Variants in TMTC1 observed in about 807,000 individuals in gnomAD.
TMTC1 encodes transmembrane O-mannosyltransferase targeting cadherins 1, also known as protein O-mannosyl-transferase TMTC1.
A neutral mutation model predicts 104.8 loss-of-function variants in TMTC1; 73 were observed. The ratio of observed to expected loss-of-function variants is 0.70; its 90% CI spans 0.58 to 0.85. The LOEUF is 0.85. Ranked by LOEUF, TMTC1 falls within the 40% of genes least tolerant of loss-of-function variation. The pLI is 0.00. For synonymous variants in TMTC1, 434 were observed against 428.7 expected (o/e 1.01, Z -0.15); for missense variants, 1,035 against 1,096.1 (o/e 0.94, Z 0.79).
At chr12:29,558,475 C>T (rs1467192567) in intron 9 of TMTC1, among the ~76,000 whole-genome samples, 5 of 152,160 alleles carry the variant, frequency 3.3e-5, no homozygotes, top group South Asian at 4.1e-4. Context: ...TTTGACCCTT[C>T]GCTACTCCCT....
chr12:29,662,444 G>A (rs1417063348), intron 5 of TMTC1, among the ~76,000 whole-genome samples: 2 of 152,104 alleles, frequency 1.3e-5, no homozygotes, highest in East Asian at 3.9e-4. Flanking sequence ...GAGGTCAGGA[G>A]TTCGAGACCA....
chr12:29,660,783 T>C lies in TMTC1; in HGVS notation c.939-27447A>G, dbSNP rs976808420. On this transcript the variant is annotated intron_variant, in intron 5 of 17. Coordinates refer to ENST00000539277, the MANE Select transcript of TMTC1 (RefSeq NM_001193451.2). ...TTATCAGATATTTCAAAAGTATATA[T>C]ATATATATATATATACTTACATAAC... 4 of 865,594 alleles carry C rather than the reference T, an allele frequency of 4.6e-6. No individual in the cohort carries two copies. In the South Asian group the frequency reaches 1.4e-4, roughly 30 times the overall value. 53.6% of individuals were successfully genotyped at this position (865,594 alleles called of 1,614,324 possible). A position where few individuals can be genotyped will look rare whatever the true frequency, so the allele number is the denominator to read the frequency against.
At chr12:29,553,304 T>C (rs753390929) in intron 10 of TMTC1, among the ~76,000 whole-genome samples, 3 of 152,224 alleles carry the variant, frequency 2.0e-5, no homozygotes, top group Non-Finnish European at 4.4e-5. Context: ...GAAGGCAATA[T>C]ATCTCCTAAT....
intron 5 of TMTC1, among the ~76,000 whole-genome samples, chr12:29,750,510 T>C (rs1223502930): frequency 6.6e-6 from 1 of 152,190 alleles, no homozygotes; most frequent in Admixed American, 6.5e-5. Flanking sequence ...GCCTGGCACT[T>C]GTCAGCCCCT....
intron 5 of TMTC1, among the ~76,000 whole-genome samples, chr12:29,698,172 A>C (rs189310330): frequency 1.3e-5 from 2 of 152,316 alleles, no homozygotes; most frequent in East Asian, 3.9e-4. Context: ...TGCAGAGAGA[A>C]GACTGAGGAA....
intron 6 of TMTC1, among the ~76,000 whole-genome samples, chr12:29,608,695 CCT>C (rs1946765975): frequency 6.6e-6 from 1 of 152,102 alleles, no homozygotes; most frequent in Non-Finnish European, 1.5e-5. Flanking sequence ...AAAGCATCCC[CCT>C]GAGCTGCAAA....
rs546700880 is a variant in TMTC1 at position 29,622,342 on chromosome 12, G to T, written c.1128+10805C>A. ...AATTTAATGGTGTTTCCTCTGTAAT[G>T]CAGGGAAACCACATTAGAGAACACA... On this transcript the variant is annotated intron_variant, in intron 6 of 17. Coordinates refer to ENST00000539277, the MANE Select transcript of TMTC1 (RefSeq NM_001193451.2). 9.2e-5 allele frequency among the ~76,000 whole-genome samples: 14 copies of T among 152,254 alleles called. No individual in the cohort carries two copies. The South Asian group carries it at 2.7e-3, about 29-fold the overall frequency.
chr12:29,558,290 C>A (rs559461854), intron 9 of TMTC1, among the ~76,000 whole-genome samples: 1 of 152,118 alleles, frequency 6.6e-6, no homozygotes, highest in Admixed American at 6.6e-5. Flanking sequence ...GTAATAAAAA[C>A]GGGATCTGTA....
chr12:29,720,007 G>A (rs977053506), intron 5 of TMTC1, among the ~76,000 whole-genome samples: 1 of 152,088 alleles, frequency 6.6e-6, no homozygotes, highest in Admixed American at 6.5e-5. Context: ...TTGAACCAGG[G>A]TTGCATGTCT....
At position 29,741,150 on chromosome 12, in the gene TMTC1, T is replaced by G. The variant is rs1942814571; in HGVS notation, c.938+10516A>C. Among the ~76,000 whole-genome samples the G allele has an allele frequency of 2.0e-5, 3 of 152,100 alleles. No homozygotes were observed. The South Asian group carries it at 6.5e-4, about 33-fold the overall frequency. On this transcript the variant is annotated intron_variant, in intron 5 of 17. Coordinates refer to ENST00000539277, the MANE Select transcript of TMTC1 (RefSeq NM_001193451.2). ...ATACATAAAACACAAAACTTAATCTTTTTTAAATATTGACATTTTCCATCA... is the reference window on the plus strand; with the variant it reads ...ATACATAAAACACAAAACTTAATCTGTTTTAAATATTGACATTTTCCATCA...
rs939265960 is a variant in TMTC1, at chr12:29,504,323, T to C, written c.*2523A>G. On this transcript the variant is annotated 3_prime_UTR_variant, in exon 18 of 18. Transcript: ENST00000539277. ...ATTTTTATTATAAAGGTAAGTTCCA[T>C]GTATTATTTCATGTTACAAGGACCA... is the stretch of plus-strand genomic sequence containing the variant. 6.6e-6 allele frequency: 1 copy of C among 151,588 alleles called. No individual in the cohort carries two copies. Among genetic ancestry groups the C allele is most frequent in the African/African-American group, 2.4e-5 (1 of 41,212 alleles). 9.4% of individuals were successfully genotyped at this position (151,588 alleles called of 1,614,324 possible). A position where few individuals can be genotyped will look rare whatever the true frequency, so the allele number is the denominator to read the frequency against.
chr12:29,674,437 G>A (rs11050362), intron 5 of TMTC1, among the ~76,000 whole-genome samples: 21,115 of 152,062 alleles, frequency 0.14, 1,770 homozygotes, highest in East Asian at 0.35. Flanking sequence ...AGAAACAAAT[G>A]AGTAAAGGAA....
chr12:29,543,688 G>A (rs751283307), intron 10 of TMTC1, among the ~76,000 whole-genome samples: 10 of 152,126 alleles, frequency 6.6e-5, no homozygotes, highest in Non-Finnish European at 1.0e-4. Context: ...AATTGTAAAC[G>A]TCTGACTGAG....
In TMTC1 at chr12:29,514,539, A is replaced by C; in HGVS notation, c.2373T>G (p.Leu791=). The change falls in exon 16 of 18, where the codon CTT becomes CTG. Residue 791 remains leucine, a synonymous_variant. Transcript: ENST00000539277. ...TTAATTGGTTTCCTTTTGTGAAAAA[A>C]AGTTCAGAAATGACTTTTGGGTCCT... is the stretch of plus-strand genomic sequence containing the variant. ...KPKDPKVISE[L]FFTKGNQLRE... is the part of the protein sequence containing the mutation. 1.2e-6 allele frequency: 2 copies of C among 1,614,116 alleles called. No homozygotes were observed. Among genetic ancestry groups the C allele is most frequent in the Middle Eastern group, 1.6e-4 (1 of 6,062 alleles).
At position 29,646,647 on chromosome 12, in the gene TMTC1, G is replaced by A. The variant is rs112519606; in HGVS notation, c.939-13311C>T. Among the ~76,000 whole-genome samples, 1,015 of 152,030 alleles carry A rather than the reference G, an allele frequency of 6.7e-3. 13 individuals are homozygous for A. The highest frequency in any genetic ancestry group is 0.024 in the African/African-American group (981 of 41,448). ...TGTGACAAATTAAATAAATTATGACGACGTAGTTTCGTTCTGGTTTGGAAA... is the reference window on the plus strand; with the variant it reads ...TGTGACAAATTAAATAAATTATGACAACGTAGTTTCGTTCTGGTTTGGAAA... On this transcript the variant is annotated intron_variant, in intron 5 of 17. Coordinates refer to ENST00000539277, the MANE Select transcript of TMTC1 (RefSeq NM_001193451.2).
At chr12:29,529,350 GA>G (rs1202701990) in intron 11 of TMTC1, among the ~76,000 whole-genome samples, 2 of 151,232 alleles carry the variant, frequency 1.3e-5, no homozygotes, top group Non-Finnish European at 3.0e-5. Context: ...AGGGCCAATA[GA>G]AAAAAAAATG....
At chr12:29,541,589 A>C (rs1944798002) in intron 10 of TMTC1, among the ~76,000 whole-genome samples, 5 of 152,080 alleles carry the variant, frequency 3.3e-5, no homozygotes, top group Admixed American at 3.3e-4. Context: ...CCATTCATAA[A>C]AAGCTTGGGT....
intron 6 of TMTC1, 89 bp downstream of exon 6, chr12:29,633,058 C>T (rs1938377075): frequency 4.8e-6 from 6 of 1,244,664 alleles, no homozygotes; most frequent in Non-Finnish European, 6.7e-6. Flanking sequence ...ATTCAATTTA[C>T]ACCCAGACCA....
intron 7 of TMTC1, among the ~76,000 whole-genome samples, chr12:29,587,916 A>C (rs1304227875): frequency 1.3e-5 from 2 of 152,164 alleles, no homozygotes; most frequent in African/African-American, 4.8e-5. Context: ...ATTCCTAAAC[A>C]CACCTCCTTA....
Sources: gnomAD v4.1 joint callset for allele counts (sites outside exome capture counted in the v4.1 genomes callset) on GRCh38, gnomAD v4.1.1 for gene constraint, MANE v1.5 for transcripts, NCBI Gene and HGNC (gene_info 2026-07-23, HGNC 2026-07-21) for gene names.